The following PKD1L1 variants were observed in gnomAD, a reference collection of about 807,000 sequenced individuals.
PKD1L1 encodes the protein polycystin 1 like 1, transient receptor potential channel interacting.
In PKD1L1, 236 loss-of-function variants were observed where a neutral mutation model predicts 323.4. That is an observed-to-expected ratio of 0.73 (90% confidence interval 0.66 to 0.81). The LOEUF (loss-of-function observed/expected upper bound fraction) is 0.81, where lower values mean the gene tolerates loss of function less well. Among genes scored for constraint, PKD1L1 ranks in the 40% least tolerant of loss-of-function variants. The pLI, the probability that PKD1L1 is intolerant of heterozygous loss-of-function variation, is 0.00. For missense variants in PKD1L1, 3,320 were observed against 3,508.0 expected (o/e 0.95, Z 1.35); for synonymous variants, 1,344 against 1,335.0 (o/e 1.01, Z -0.15).
the PKD1L1 span, among the ~76,000 whole-genome samples, chr7:47,960,153 AAC>A: frequency 6.6e-6 from 1 of 150,416 alleles, no homozygotes; most frequent in African/African-American, 2.4e-5. Flanking sequence ...TGCTTTGTTA[AAC>A]AGATGCTTGA....
In PKD1L1 at chr7:47,902,477, T is replaced by C; in HGVS notation, c.1966A>G (p.Asn656Asp). The change falls in exon 13 of 57, where the codon AAT (asparagine) becomes GAT (aspartate). Residue 656 changes from asparagine to aspartate, a missense_variant. Asn to Asp is a conservative substitution (Grantham distance 23). Transcript: ENST00000289672. Reference protein sequence around the residue: ...GEFTVEVLAFNNVSASTLRQQ... With the variant: ...GEFTVEVLAFDNVSASTLRQQ... Reference sequence around the variant, plus strand: ...CTTAGAGTGGAGGCACTGACATTATTGAAGGCAAGGACCTCCACTGTAAAT... The same window carrying C: ...CTTAGAGTGGAGGCACTGACATTATCGAAGGCAAGGACCTCCACTGTAAAT... The C allele has an allele frequency of 6.2e-7, 1 of 1,614,106 alleles. No homozygotes were observed. Among genetic ancestry groups the C allele is most frequent in the Non-Finnish European group, 8.5e-7 (1 of 1,179,972 alleles).
intron 4 of PKD1L1, among the ~76,000 whole-genome samples, chr7:47,935,646 G>A (rs1443410833): frequency 6.6e-6 from 1 of 152,222 alleles, no homozygotes; most frequent in African/African-American, 2.4e-5. Flanking sequence ...CCACCTAGGG[G>A]CTGAATCATG....
chr7:47,781,405 TTTTG>T (rs1786691301), intron 56 of PKD1L1, among the ~76,000 whole-genome samples: 1 of 77,102 alleles, frequency 1.3e-5, no homozygotes, highest in Non-Finnish European at 2.7e-5. Flanking sequence ...TTTTGTTTTG[TTTTG>T]TTTTTTTTTT....
chr7:47,951,731 T>C (rs967480794), upstream of PKD1L1, among the ~76,000 whole-genome samples: 2 of 152,176 alleles, frequency 1.3e-5, no homozygotes, highest in African/African-American at 4.8e-5. Context: ...AGTTTCAGAT[T>C]TGGGGAAATA....
At chr7:47,834,922 G>T in intron 39 of PKD1L1, 45 bp downstream of exon 39, 2 of 1,544,666 alleles carry the variant, frequency 1.3e-6, no homozygotes, top group Non-Finnish European at 1.8e-6. Context: ...GGTGCAAAAG[G>T]CTCAGCCCCA....
intron 9 of PKD1L1, among the ~76,000 whole-genome samples, chr7:47,906,442 A>G (rs10228763): frequency 1.3e-5 from 2 of 152,168 alleles, no homozygotes; most frequent in African/African-American, 2.4e-5. Context: ...ACACATACAT[A>G]CCATATACAC....
intron 1 of PKD1L1, among the ~76,000 whole-genome samples, chr7:47,945,937 G>C (rs1482488503): frequency 6.6e-6 from 1 of 152,142 alleles, no homozygotes; most frequent in Admixed American, 6.5e-5. Flanking sequence ...ATCCCCAACA[G>C]GTGTGTCCTC....
chr7:47,929,651 G>A, intron 6 of PKD1L1, 125 bp from the exon 7 acceptor site: 1 of 841,506 alleles, frequency 1.2e-6, no homozygotes, highest in Non-Finnish European at 1.8e-6. Context: ...CCTGATGAAA[G>A]GCTTCACTTC....
intron 5 of PKD1L1, 46 bp from the exon 6 acceptor site, chr7:47,931,367 T>C: frequency 6.3e-7 from 1 of 1,594,918 alleles, no homozygotes; most frequent in South Asian, 1.1e-5. Flanking sequence ...TGGCCTCGTC[T>C]GGCATCAGTA....
At chr7:47,931,822 T>C in intron 5 of PKD1L1, 114 bp downstream of exon 5, 1 of 1,332,042 alleles carries the variant, frequency 7.5e-7, no homozygotes, top group Non-Finnish European at 1.0e-6. Context: ...ATGCAAAATA[T>C]GGTTCACTGA....
chr7:47,775,989 G>A (rs905861110), intron 56 of PKD1L1, among the ~76,000 whole-genome samples: 4 of 152,110 alleles, frequency 2.6e-5, no homozygotes, highest in Non-Finnish European at 5.9e-5. Context: ...AGGAATGAGA[G>A]AGGTGACAAC....
chr7:47,903,221 G>C (rs1337984585), intron 12 of PKD1L1, among the ~76,000 whole-genome samples: 3 of 152,170 alleles, frequency 2.0e-5, no homozygotes, highest in Non-Finnish European at 2.9e-5. Flanking sequence ...CCACAAATTT[G>C]AGTTTGCAAG....
chr7:47,868,684 T>C (rs1027187561), intron 24 of PKD1L1, among the ~76,000 whole-genome samples: 1 of 152,180 alleles, frequency 6.6e-6, no homozygotes, highest in African/African-American at 2.4e-5. Context: ...GAGACCAGCC[T>C]GACCAACATG....
At chr7:47,929,633 CTGAGAAACCTGA>C in intron 6 of PKD1L1, 107 bp from the exon 7 acceptor site, 1 of 993,758 alleles carries the variant, frequency 1.0e-6, no homozygotes, top group Non-Finnish European at 1.5e-6. Context: ...GAAGCCAAGT[CTGAGAAACCTGA>C]TGAAAGGCTT....
chr7:47,848,354 A>C (rs1785708923), intron 31 of PKD1L1, among the ~76,000 whole-genome samples: 1 of 152,246 alleles, frequency 6.6e-6, no homozygotes, highest in Non-Finnish European at 1.5e-5. Context: ...GTTAAAAAAA[A>C]AAGATATCGA....
At chr7:47,789,240 G>A (rs1176111777) in intron 56 of PKD1L1, among the ~76,000 whole-genome samples, 1 of 152,144 alleles carries the variant, frequency 6.6e-6, no homozygotes, top group East Asian at 1.9e-4. Context: ...CTTTTGGAGG[G>A]ATAGAACTTC....
At chr7:47,929,632 T>G in intron 6 of PKD1L1, 106 bp from the exon 7 acceptor site, 1 of 1,046,158 alleles carries the variant, frequency 9.6e-7, no homozygotes, top group Non-Finnish European at 1.4e-6. Flanking sequence ...AGAAGCCAAG[T>G]CTGAGAAACC....
chr7:47,778,084 T>C (rs998788953), intron 56 of PKD1L1, among the ~76,000 whole-genome samples: 5 of 152,150 alleles, frequency 3.3e-5, no homozygotes, highest in Non-Finnish European at 5.9e-5. Context: ...CCTGGACTAT[T>C]GTTTATCATT....
rs1042493292 is a variant in PKD1L1, at chr7:47,876,205, C to G, written c.3676G>C (p.Glu1226Gln). The G allele has an allele frequency of 6.2e-7, 1 of 1,613,922 alleles. No individual in the cohort carries two copies. Among genetic ancestry groups the G allele is most frequent in the Non-Finnish European group, 8.5e-7 (1 of 1,179,878 alleles). Residue 1226 changes from glutamate to glutamine, a missense_variant, in exon 23 of 57, where the codon GAA (glutamate) becomes CAA (glutamine). Transcript: ENST00000289672. ...CMSGKPDFHY[E>Q]FSYQIGNTSK... ...GTGTTTCCTATCTGGTAACTAAATT[C>G]ATAATGGAAGTCCTATGATCCAGTC...
Sources: allele counts gnomAD v4.1 joint callset (sites outside exome capture counted in the v4.1 genomes callset), GRCh38; gene constraint gnomAD v4.1.1; transcripts MANE v1.5; gene names NCBI Gene and HGNC (gene_info 2026-07-23, HGNC 2026-07-21).